The following HS3ST2 variants were observed in gnomAD, a reference collection of about 807,000 sequenced individuals.
HS3ST2 encodes the protein heparan sulfate-glucosamine 3-sulfotransferase 2, also known as heparan sulfate glucosamine 3-O-sulfotransferase 2.
HS3ST2 carries 17 observed loss-of-function variants against 26.3 expected under a neutral mutation model. The ratio of observed to expected loss-of-function variants is 0.65; its 90% CI spans 0.44 to 0.97. HS3ST2 has a LOEUF of 0.97. HS3ST2 is among the 50% of genes least tolerant of loss of function. The probability of loss-of-function intolerance (pLI) is 0.00; values close to 1 mark genes in which losing one functional copy is unlikely to be tolerated. For missense variants in HS3ST2, 402 were observed against 501.2 expected (o/e 0.80, Z 1.89); for synonymous variants, 237 against 219.2 (o/e 1.08, Z -0.72).
intron 1 of HS3ST2, among the ~76,000 whole-genome samples, chr16:22,824,180 G>C (rs1334190170): frequency 6.6e-6 from 1 of 152,246 alleles, no homozygotes; most frequent in Non-Finnish European, 1.5e-5. Flanking sequence ...ATGTGAGAGA[G>C]GACGTCCCTT....
At position 22,875,637 on chromosome 16, in the gene HS3ST2, C is replaced by T. The variant is rs201521955; in HGVS notation, c.486-39307C>T. 3.9e-5 allele frequency among the ~76,000 whole-genome samples: 6 copies of T among 152,284 alleles called. No homozygotes were observed. In the East Asian group the frequency reaches 1.2e-3, roughly 29 times the overall value. On this transcript the variant is annotated intron_variant, in intron 1 of 1. Transcript: ENST00000261374. The stretch of plus-strand genomic sequence containing the variant: ...ACCTCATGATCTGCCTGCTCGGCCT[C>T]CCAAAATACTGGGATTACAGGCATG...
chr16:22,841,573 C>T (rs1235572796), intron 1 of HS3ST2, among the ~76,000 whole-genome samples: 1 of 152,212 alleles, frequency 6.6e-6, no homozygotes, highest in Non-Finnish European at 1.5e-5. Context: ...AATACAAGAA[C>T]CTTAGCACAC....
At chr16:22,866,012 G>C (rs1235864111) in intron 1 of HS3ST2, among the ~76,000 whole-genome samples, 1 of 152,140 alleles carries the variant, frequency 6.6e-6, no homozygotes, top group Non-Finnish European at 1.5e-5. Context: ...CCTAAATTAG[G>C]ACTAGAGGAT....
intron 1 of HS3ST2, among the ~76,000 whole-genome samples, chr16:22,858,551 CT>C (rs1176030521): frequency 7.3e-6 from 1 of 136,952 alleles, no homozygotes; most frequent in Non-Finnish European, 1.6e-5. Flanking sequence ...TTTTGGAATC[CT>C]TTTTTTGTTT....
chr16:22,814,774 G>C lies in HS3ST2; in HGVS notation c.164G>C (p.Cys55Ser). 6.2e-7 allele frequency: 1 copy of C among 1,602,454 alleles called. No individual in the cohort carries two copies. The highest frequency in any genetic ancestry group is 8.5e-7 in the Non-Finnish European group (1 of 1,176,026). ...AGCCGCCTCCTCGGCGCGCCTCGCTGCCTCCGCGGCCCCAGCGCGGGCGGC... is the reference window on the plus strand; with the variant it reads ...AGCCGCCTCCTCGGCGCGCCTCGCTCCCTCCGCGGCCCCAGCGCGGGCGGC... The part of the protein sequence containing the change: ...GRSRLLGAPR[C>S]LRGPSAGGQK... The change falls in exon 1 of 2, where the codon TGC (cysteine) becomes TCC (serine). Residue 55 changes from cysteine to serine, a missense_variant. By Grantham distance (112) the Cys-to-Ser change is moderately radical (BLOSUM62 -1). This residue lies in a region of HS3ST2 where 165 missense variants were observed against 154.6 expected (regional missense o/e 1.07). Coordinates refer to ENST00000261374, the MANE Select transcript of HS3ST2 (RefSeq NM_006043.2).
chr16:22,837,640 CAT>C (rs1555512110), intron 1 of HS3ST2, among the ~76,000 whole-genome samples: 3 of 149,418 alleles, frequency 2.0e-5, no homozygotes, highest in Non-Finnish European at 4.4e-5. Flanking sequence ...AACACACACA[CAT>C]ATATGTATGC....
At chr16:22,879,082 C>T (rs1901955119) in intron 1 of HS3ST2, among the ~76,000 whole-genome samples, 1 of 152,212 alleles carries the variant, frequency 6.6e-6, no homozygotes, top group Admixed American at 6.5e-5. Flanking sequence ...ATGAGCTGAG[C>T]ACCCATCTCC....
intron 1 of HS3ST2, among the ~76,000 whole-genome samples, chr16:22,888,610 C>T (rs1902094549): frequency 6.6e-6 from 1 of 152,076 alleles, no homozygotes; most frequent in East Asian, 1.9e-4. Flanking sequence ...TGGTCTCGAT[C>T]TCCTGACCTT....
At chr16:22,880,920 G>C (rs557463697) in intron 1 of HS3ST2, among the ~76,000 whole-genome samples, 2 of 152,232 alleles carry the variant, frequency 1.3e-5, no homozygotes, top group African/African-American at 4.8e-5. Context: ...CAGCAGAGTC[G>C]AGTGATGGAT....
chr16:22,882,832 A>G (rs1902007856), intron 1 of HS3ST2, among the ~76,000 whole-genome samples: 1 of 152,034 alleles, frequency 6.6e-6, no homozygotes, highest in Non-Finnish European at 1.5e-5. Context: ...AGAGATTGAG[A>G]CCATCCTGGC....
chr16:22,871,083 C>T (rs908935889), intron 1 of HS3ST2, among the ~76,000 whole-genome samples: 3 of 152,092 alleles, frequency 2.0e-5, no homozygotes, highest in East Asian at 3.9e-4. Flanking sequence ...GTGGGCCGGG[C>T]GCAGTGGCTC....
intron 1 of HS3ST2, among the ~76,000 whole-genome samples, chr16:22,885,172 A>AC (rs1902044019): frequency 6.6e-6 from 1 of 151,274 alleles, no homozygotes; most frequent in Non-Finnish European, 1.5e-5. Context: ...ACATATTGCC[A>AC]CCCCTCCCCC....
At chr16:22,832,757 G>T (rs1270204939) in intron 1 of HS3ST2, among the ~76,000 whole-genome samples, 1 of 151,118 alleles carries the variant, frequency 6.6e-6, no homozygotes, top group Non-Finnish European at 1.5e-5. Flanking sequence ...AGGAAAGATG[G>T]GCCATGAGCC....
chr16:22,915,084 C>T lies in HS3ST2; in HGVS notation c.626C>T (p.Thr209Ile), dbSNP rs779508475. Residue 209 changes from threonine (T) to isoleucine (I), a missense_variant, in exon 2 of 2, where the codon ACC (threonine) becomes ATC (isoleucine). Coordinates refer to ENST00000261374, the MANE Select transcript of HS3ST2 (RefSeq NM_006043.2). The part of the protein sequence containing the change: ...KLIVVVRNPV[T>I]RAISDYTQTL... ...ATCGTGGTTGTGCGGAACCCTGTGA[C>T]CCGTGCCATCTCTGATTACACGCAG... 2 of 1,613,960 alleles carry T rather than the reference C, an allele frequency of 1.2e-6. No homozygotes were observed. Among genetic ancestry groups the T allele is most frequent in the Non-Finnish European group, 1.7e-6 (2 of 1,180,012 alleles).
intron 1 of HS3ST2, among the ~76,000 whole-genome samples, chr16:22,816,518 A>C (rs1900872216): frequency 6.6e-6 from 1 of 152,202 alleles, no homozygotes; most frequent in African/African-American, 2.4e-5. Context: ...TAGCAGGCAG[A>C]CACATAGTCT....
chr16:22,828,297 A>G (rs1901119901), intron 1 of HS3ST2, among the ~76,000 whole-genome samples: 3 of 152,196 alleles, frequency 2.0e-5, no homozygotes, highest in Admixed American at 2.0e-4. Context: ...AGGTGAAATT[A>G]GCCCTCTTCC....
chr16:22,915,370 T>C lies in HS3ST2; in HGVS notation c.912T>C (p.Tyr304=). The C allele has an allele frequency of 6.2e-7, 1 of 1,613,896 alleles. No individual in the cohort carries two copies. Among genetic ancestry groups the C allele is most frequent in the Non-Finnish European group, 8.5e-7 (1 of 1,179,970 alleles). The change falls in exon 2 of 2, where the codon TAT becomes TAC. Residue 304 remains tyrosine (Y), a synonymous_variant. Coordinates refer to ENST00000261374, the MANE Select transcript of HS3ST2 (RefSeq NM_006043.2). ...GATTCATCACGGACAAGCACTTCTA[T>C]TTCAACAAGACCAAAGGATTCCCTT... is the stretch of plus-strand genomic sequence containing the variant. ...IKRFITDKHF[Y]FNKTKGFPCL...
intron 1 of HS3ST2, among the ~76,000 whole-genome samples, chr16:22,826,851 G>A (rs918823983): frequency 1.3e-5 from 2 of 152,188 alleles, no homozygotes; most frequent in Non-Finnish European, 2.9e-5. Context: ...ATAGTCACTG[G>A]GGAGAGAGGA....
At position 22,814,665 on chromosome 16, in the gene HS3ST2, A is replaced by G. The variant is rs906816110; in HGVS notation, c.55A>G (p.Arg19Gly). 5.1e-6 allele frequency: 8 copies of G among 1,579,454 alleles called. No homozygotes were observed. Among genetic ancestry groups the G allele is most frequent in the Non-Finnish European group, 5.2e-6 (6 of 1,164,278 alleles). Residue 19 changes from arginine to glycine, a missense_variant, in exon 1 of 2, where the codon AGG becomes GGG. This residue lies in a region of HS3ST2 where 165 missense variants were observed against 154.6 expected (regional missense o/e 1.07). Coordinates refer to ENST00000261374, the MANE Select transcript of HS3ST2 (RefSeq NM_006043.2). ...AGPPQPRRAR[R>G]LLFAFTLSLS... ...GCCACCTCAGCCGCGGAGGGCGCGCAGGCTGCTCTTCGCCTTCACGCTCTC... is the reference window on the plus strand; with the variant it reads ...GCCACCTCAGCCGCGGAGGGCGCGCGGGCTGCTCTTCGCCTTCACGCTCTC...
Sources: allele counts gnomAD v4.1 joint callset (sites outside exome capture counted in the v4.1 genomes callset), GRCh38; gene constraint gnomAD v4.1.1; regional missense constraint gnomAD v4.1.1; transcripts MANE v1.5; gene names NCBI Gene and HGNC (gene_info 2026-07-23, HGNC 2026-07-21).